Variants in ALS2CL observed in about 807,000 individuals in gnomAD.
ALS2CL encodes the protein ALS2 C-terminal-like protein.
In ALS2CL, 112 loss-of-function variants were observed where a neutral mutation model predicts 127.9. The observed-to-expected ratio is 0.88, with a 90% CI of 0.75 to 1.02. The LOEUF is 1.02. ALS2CL is among the 50% of genes least tolerant of loss of function. The pLI is 0.00. For missense variants in ALS2CL, 1,174 were observed against 1,236.7 expected (o/e 0.95, Z 0.76); for synonymous variants, 519 against 527.6 (o/e 0.98, Z 0.22).
chr3:46,673,496 G>T (rs1277792654), intron 21 of ALS2CL, 115 bp from the exon 22 acceptor site: 16 of 1,108,022 alleles, frequency 1.4e-5, no homozygotes, highest in Non-Finnish European at 2.0e-5. Context: ...TCCTGAAAAG[G>T]GGAAGGAGAT....
rs1699334491 is a variant in ALS2CL at position 46,681,445 on chromosome 3, A to T, written c.1275-38T>A. ...ATCAACAACGAGCTCTGCCTCATGG[A>T]GCTCAGCCCAGAGGATGGGCCCAGC... On this transcript the variant is annotated intron_variant, in intron 12 of 25. Coordinates refer to ENST00000318962, the MANE Select transcript of ALS2CL (RefSeq NM_147129.5). This position sits in a 1 kb window ranked among gnomAD's most constrained non-coding sequence, Gnocchi z 4.9. 2 of 1,610,622 alleles carry T rather than the reference A, an allele frequency of 1.2e-6. No individual in the cohort carries two copies. The highest frequency in any genetic ancestry group is 1.1e-5 in the South Asian group (1 of 90,984).
chr3:46,683,352 G>A (rs1008558121), intron 9 of ALS2CL, 26 bp from the exon 10 acceptor site: 3 of 1,560,674 alleles, frequency 1.9e-6, no homozygotes, highest in Non-Finnish European at 2.6e-6. Context: ...ACATGGGGAA[G>A]GGGATCACTG....
At chr3:46,684,151 C>T (rs1480522727) in intron 7 of ALS2CL, 104 bp from the exon 8 acceptor site, 6 of 1,313,816 alleles carry the variant, frequency 4.6e-6, no homozygotes, top group Non-Finnish European at 6.4e-6. Flanking sequence ...GCCACCAAGG[C>T]TATTCTGCCC....
chr3:46,688,207 C>T lies in ALS2CL; in HGVS notation c.193G>A (p.Glu65Lys), dbSNP rs139496961. 3 of 1,613,078 alleles carry T rather than the reference C, an allele frequency of 1.9e-6. No individual in the cohort carries two copies. Among genetic ancestry groups the T allele is most frequent in the South Asian group, 1.1e-5 (1 of 91,074 alleles). Reference sequence around the variant, plus strand: ...TCCTGCAGTGAGTGCAGGCTTTCCTCCGTCACCTCCCAGAGTTGCTGGGAG... The same window carrying T: ...TCCTGCAGTGAGTGCAGGCTTTCCTTCGTCACCTCCCAGAGTTGCTGGGAG... ...KSSQQLWEVTEESLHSLQERL... is the reference protein window; with the variant it reads ...KSSQQLWEVTKESLHSLQERL... The change falls in exon 3 of 26, where the codon GAG becomes AAG. Residue 65 changes from glutamate to lysine, a missense_variant. Transcript: ENST00000318962.
In ALS2CL at chr3:46,689,366, G is replaced by T; in HGVS notation, c.75C>A (p.Ser25Arg). The part of the protein sequence containing the change: ...VFSATLAHVN[S>R]LVLQPLLPAA... ...CTGGGAGCAGGGGCTGGAGGACAAG[G>T]CTGTTGACATGGGCGAGGGTGGCTG... Residue 25 changes from serine to arginine, a missense_variant, in exon 2 of 26, where the codon AGC (serine) becomes AGA (arginine). Coordinates refer to ENST00000318962, the MANE Select transcript of ALS2CL (RefSeq NM_147129.5). The T allele has an allele frequency of 1.2e-6, 2 of 1,612,850 alleles. No homozygotes were observed. The highest frequency in any genetic ancestry group is 8.5e-7 in the Non-Finnish European group (1 of 1,179,898).
chr3:46,671,409 T>C (rs1196192170), intron 25 of ALS2CL, 79 bp downstream of exon 25: 1 of 1,590,414 alleles, frequency 6.3e-7, no homozygotes, highest in Non-Finnish European at 8.6e-7. Context: ...ACTATGGTGT[T>C]ATGATGTCTG....
Position 46,678,292 on chromosome 3 carries a change from G to A in ALS2CL, c.1724C>T (p.Ala575Val). 1 of 1,605,226 alleles carries A rather than the reference G, an allele frequency of 6.2e-7. No individual in the cohort carries two copies. Among genetic ancestry groups the A allele is most frequent in the Non-Finnish European group, 8.5e-7 (1 of 1,173,542 alleles). The part of the protein sequence containing the change: ...LHTQGVLDTA[A>V]LPPDPSSTCK... ...GGTACTGCTCGGGTCTGGTGGGAGG[G>A]CAGCCGTGTCCAGCACACCCTGTGT... The change falls in exon 16 of 26, where the codon GCC becomes GTC. Residue 575 changes from alanine to valine, a missense_variant. Ala to Val is a moderately conservative substitution (Grantham distance 64, BLOSUM62 0). Coordinates refer to ENST00000318962, the MANE Select transcript of ALS2CL (RefSeq NM_147129.5).
intron 13 of ALS2CL, 152 bp from the exon 14 acceptor site, chr3:46,680,693 A>G (rs531689963): frequency 3.0e-4 from 195 of 657,634 alleles, no homozygotes; most frequent in Non-Finnish European, 4.5e-4. Context: ...AGAGGTCAGG[A>G]CCCCCAAGAG....
intron 14 of ALS2CL, chr3:46,680,093 T>C (rs1438985693): frequency 7.1e-6 from 2 of 282,278 alleles, no homozygotes; most frequent in East Asian, 6.8e-5. Flanking sequence ...GGGTGGGAGC[T>C]TAGCCCAGAG....
intron 2 of ALS2CL, 38 bp downstream of exon 2, chr3:46,689,300 C>T (rs373226415): frequency 2.4e-5 from 38 of 1,599,050 alleles, no homozygotes; most frequent in Middle Eastern, 1.6e-4. Flanking sequence ...GATCATTCCT[C>T]GGTGCCCTTC....
In ALS2CL at chr3:46,676,920, C is replaced by G; in HGVS notation, c.1860G>C (p.Glu620Asp). The G allele has an allele frequency of 6.2e-7, 1 of 1,613,766 alleles. No individual in the cohort carries two copies. Among genetic ancestry groups the G allele is most frequent in the Non-Finnish European group, 8.5e-7 (1 of 1,179,990 alleles). Residue 620 changes from glutamate to aspartate, a missense_variant, in exon 17 of 26, where the codon GAG becomes GAC. Glu to Asp is a conservative substitution (Grantham distance 45, BLOSUM62 2). Coordinates refer to ENST00000318962, the MANE Select transcript of ALS2CL (RefSeq NM_147129.5). ...VCAGCPRDLQ[E>D]ALLGFDVQSS... ...TCTGCACGTCGAAGCCCAGCAGGGCCTCCTGCAGGTCCCTGGGGCAGCCAG... is the reference window on the plus strand; with the variant it reads ...TCTGCACGTCGAAGCCCAGCAGGGCGTCCTGCAGGTCCCTGGGGCAGCCAG...
intron 14 of ALS2CL, 115 bp downstream of exon 14, chr3:46,680,290 GCCCAGGTTCTGGCTCCCTCCAGCAC>G: frequency 1.1e-6 from 1 of 881,208 alleles, no homozygotes; most frequent in South Asian, 1.6e-5. Context: ...CTGGCTTCCT[GCCCAGGTTCTGGCTCCCTCCAGCAC>G]CCAGGAACAC....
In ALS2CL at chr3:46,681,617, G is replaced by A. The variant is rs780208085; in HGVS notation, c.1176-19C>T. 3 of 1,613,516 alleles carry A rather than the reference G, an allele frequency of 1.9e-6. No homozygotes were observed. The highest frequency in any genetic ancestry group is 2.5e-6 in the Non-Finnish European group (3 of 1,179,570). On this transcript the variant is annotated intron_variant, in intron 11 of 25. Transcript: ENST00000318962. The surrounding 1 kb of genome is among the most constrained non-coding windows in gnomAD (Gnocchi z 4.9). ...GCCGAAGCTGACAGCATGGTTGTGG[G>A]GGTGGGGATCAGCCCTGACCTGAGA...
rs745417867 is a variant in ALS2CL, at chr3:46,676,987, C to T, written c.1793G>A (p.Arg598His). 2.2e-5 allele frequency: 36 copies of T among 1,610,818 alleles called. No homozygotes were observed. The highest frequency in any genetic ancestry group is 4.5e-5 in the East Asian group (2 of 44,840). Residue 598 changes from arginine to histidine, a missense_variant, in exon 17 of 26, where the codon CGC becomes CAC. Arg to His is a conservative substitution (Grantham distance 29). Coordinates refer to ENST00000318962, the MANE Select transcript of ALS2CL (RefSeq NM_147129.5). ...GAAGGGGCTGTAGACTCCCTGCCAG[C>T]GGCTTTCCACGGGGAAGGCACCCAC... The part of the protein sequence containing the change: ...LGVGAFPVES[R>H]WQGVYSPFRD...
Position 46,688,259 on chromosome 3 carries a change from C to A in ALS2CL, c.141G>T (p.Leu47=). Residue 47 remains leucine (L), a synonymous_variant, in exon 3 of 26, where the codon CTG becomes CTT. Coordinates refer to ENST00000318962, the MANE Select transcript of ALS2CL (RefSeq NM_147129.5). The part of the protein sequence containing the change: ...DPSDPWGREC[L]RLLQQLHKSS... ...TCTTGTGCAGCTGTTGCAAGAGCCGCAGGCACTCTCTGCCCCAGGGATCCG... is the reference window on the plus strand; with the variant it reads ...TCTTGTGCAGCTGTTGCAAGAGCCGAAGGCACTCTCTGCCCCAGGGATCCG... 3 of 1,612,942 alleles carry A rather than the reference C, an allele frequency of 1.9e-6. No homozygotes were observed. In the South Asian group the frequency reaches 3.3e-5, roughly 18 times the overall value.
Position 46,685,577 on chromosome 3 carries a change from G to A in ALS2CL, c.734C>T (p.Pro245Leu), listed in dbSNP as rs753736240. The A allele has an allele frequency of 3.4e-5, 55 of 1,613,882 alleles. No homozygotes were observed. The highest frequency in any genetic ancestry group is 1.7e-4 in the Admixed American group (10 of 59,988). The stretch of plus-strand genomic sequence containing the variant: ...GAGCAGCACACGCTCAGCCCGCAAC[G>A]GTGCGACCGTCACGGGTACGTCCTG... ...DSQDVPVTVA[P>L]LRAERVLLFD... The change falls in exon 7 of 26, where the codon CCG becomes CTG. Residue 245 changes from proline to leucine, a missense_variant. By Grantham distance (98) the Pro-to-Leu change is moderately conservative (BLOSUM62 -3). Transcript: ENST00000318962.
chr3:46,687,023 T>A lies in ALS2CL; in HGVS notation c.494A>T (p.Tyr165Phe). Residue 165 changes from tyrosine to phenylalanine, a missense_variant, in exon 5 of 26, where the codon TAC becomes TTC. Transcript: ENST00000318962. The stretch of plus-strand genomic sequence containing the variant: ...CCCGAGGCTCAGCAGGAGGAGCACG[T>A]ACTGTTGCACGTGATGGGCGAGTGG... ...HQPLAHHVQQ[Y>F]VLLLLSLGDT... 6.2e-7 allele frequency: 1 copy of A among 1,605,654 alleles called. No individual in the cohort carries two copies. Among genetic ancestry groups the A allele is most frequent in the East Asian group, 2.2e-5 (1 of 44,796 alleles).
Position 46,672,038 on chromosome 3 carries a change from A to C in ALS2CL, c.2535-5T>G. 1 of 1,613,730 alleles carries C rather than the reference A, an allele frequency of 6.2e-7. No individual in the cohort carries two copies. On this transcript the variant is annotated splice_region_variant and splice_polypyrimidine_tract_variant and intron_variant, in intron 23 of 25. Transcript: ENST00000318962. Reference sequence around the variant, plus strand: ...TCCCGTGGGTCCACCGTGGTCCTGCAGCAGGGTAGCTGGCTCCAGGTCAAG... The same window carrying C: ...TCCCGTGGGTCCACCGTGGTCCTGCCGCAGGGTAGCTGGCTCCAGGTCAAG...
chr3:46,684,433 A>G (rs960806790), intron 7 of ALS2CL, among the ~76,000 whole-genome samples: 2 of 151,936 alleles, frequency 1.3e-5, no homozygotes, highest in African/African-American at 2.4e-5. Context: ...CCACTCCACA[A>G]TCACACCTTC....
Sources: gnomAD v4.1 joint callset for allele counts (sites outside exome capture counted in the v4.1 genomes callset) on GRCh38, gnomAD v4.1.1 for gene constraint, Gnocchi (gnomAD v3.1) non-coding constraint, MANE v1.5 for transcripts, NCBI Gene and HGNC (gene_info 2026-07-23, HGNC 2026-07-21) for gene names.